Variants in PAPPA observed in about 807,000 individuals in gnomAD.
The protein encoded by PAPPA is pappalysin-1.
In PAPPA, 60 loss-of-function variants were observed where a neutral mutation model predicts 164.0. That is an observed-to-expected ratio of 0.37 (90% CI 0.30 to 0.45). The LOEUF is 0.45. Ranked by LOEUF, PAPPA falls within the 20% of genes least tolerant of loss-of-function variation. The pLI is 1.00. For synonymous variants in PAPPA, 875 were observed against 814.1 expected, an observed-to-expected ratio of 1.07 and a Z score of -1.27; for missense variants, 1,782 against 2,087.3, an observed-to-expected ratio of 0.85 and a Z score of 2.85.
At chr9:116,192,357 G>C (rs909896338) in intron 2 of PAPPA, among the ~76,000 whole-genome samples, 4 of 152,270 alleles carry the variant, frequency 2.6e-5, no homozygotes, top group African/African-American at 9.6e-5. Context: ...GGAGTTTAAG[G>C]GGTTATTATG....
intron 1 of PAPPA, among the ~76,000 whole-genome samples, chr9:116,179,942 G>A (rs901168059): frequency 6.6e-6 from 1 of 152,106 alleles, no homozygotes; most frequent in Non-Finnish European, 1.5e-5. Context: ...AAACCAGATT[G>A]TTGACCTAAA....
chr9:116,368,753 A>T (rs1028643298), intron 19 of PAPPA, among the ~76,000 whole-genome samples: 1 of 152,142 alleles, frequency 6.6e-6, no homozygotes, highest in East Asian at 1.9e-4. Flanking sequence ...CAACCAGCCT[A>T]CTGCCTGGGG....
In PAPPA at chr9:116,400,831, T is replaced by G. The variant is rs1305359631; in HGVS notation, c.*4215T>G. On this transcript the variant is annotated 3_prime_UTR_variant, in exon 22 of 22. Coordinates refer to ENST00000328252, the MANE Select transcript of PAPPA (RefSeq NM_002581.5). The stretch of plus-strand genomic sequence containing the variant: ...TGTCCCTGTTGTACAGAAGTTAGAA[T>G]TTTTGACTCCAGGCAGCAGTTTGCT... The G allele has an allele frequency of 6.6e-6, 1 of 152,592 alleles. No individual in the cohort carries two copies. Among genetic ancestry groups the G allele is most frequent in the African/African-American group, 2.4e-5 (1 of 41,448 alleles). The allele number at this position is 152,592 out of a possible 1,614,324, so 9.5% of individuals were successfully genotyped here.
chr9:116,155,867 C>T (rs374802493), intron 1 of PAPPA, among the ~76,000 whole-genome samples: 1 of 152,054 alleles, frequency 6.6e-6, no homozygotes, highest in Admixed American at 6.5e-5. Context: ...TTCCCCCCAA[C>T]AACCCACAAC....
In PAPPA at chr9:116,358,804, T is replaced by C. The variant is rs557092436; in HGVS notation, c.4348-3788T>C. On this transcript the variant is annotated intron_variant, in intron 17 of 21. Coordinates refer to ENST00000328252, the MANE Select transcript of PAPPA (RefSeq NM_002581.5). ...GACATGGTTCTGACATTGGCAACCT[T>C]TGTGACTTGGGCACATTGCCTCCCC... Among the ~76,000 whole-genome samples, 9 of 152,354 alleles carry C rather than the reference T, an allele frequency of 5.9e-5. No homozygotes were observed. The South Asian group carries it at 1.9e-3, about 32-fold the overall frequency.
chr9:116,370,499 T>C (rs1458777345), intron 19 of PAPPA, among the ~76,000 whole-genome samples: 1 of 148,924 alleles, frequency 6.7e-6, no homozygotes, highest in Non-Finnish European at 1.5e-5. Flanking sequence ...TGCTGGCAAA[T>C]AGTTAACAAC....
At chr9:116,186,858 A>G (rs2118626344) in intron 1 of PAPPA, among the ~76,000 whole-genome samples, 1 of 152,292 alleles carries the variant, frequency 6.6e-6, no homozygotes, top group South Asian at 2.1e-4. Flanking sequence ...TTCTTCAAAC[A>G]AAAATCTTTC....
intron 9 of PAPPA, among the ~76,000 whole-genome samples, chr9:116,294,503 C>A (rs2118873947): frequency 6.6e-6 from 1 of 152,258 alleles, no homozygotes; most frequent in Non-Finnish European, 1.5e-5. Flanking sequence ...TGACACGAAG[C>A]CTTTGAAAGA....
At chr9:116,212,217 T>G (rs1165454770) in intron 4 of PAPPA, among the ~76,000 whole-genome samples, 1 of 152,178 alleles carries the variant, frequency 6.6e-6, no homozygotes, top group Non-Finnish European at 1.5e-5. Flanking sequence ...ATGTGTCCCT[T>G]AGATAAGCAT....
At chr9:116,291,412 C>T (rs1845434183) in intron 9 of PAPPA, among the ~76,000 whole-genome samples, 1 of 152,130 alleles carries the variant, frequency 6.6e-6, no homozygotes, top group East Asian at 1.9e-4. Flanking sequence ...GATTTATGCT[C>T]TGACCTCTTT....
intron 19 of PAPPA, among the ~76,000 whole-genome samples, chr9:116,370,599 C>T (rs1007838987): frequency 6.6e-6 from 1 of 152,158 alleles, no homozygotes; most frequent in Non-Finnish European, 1.5e-5. Flanking sequence ...TCAAGGTTTC[C>T]AGGTTGCTGT....
chr9:116,368,187 C>A (rs1846527007), intron 19 of PAPPA, among the ~76,000 whole-genome samples: 1 of 152,146 alleles, frequency 6.6e-6, no homozygotes, highest in Non-Finnish European at 1.5e-5. Context: ...CTTTACATAG[C>A]CTAGGTTTCT....
At chr9:116,288,225 C>T (rs1281847533) in intron 9 of PAPPA, among the ~76,000 whole-genome samples, 4 of 152,104 alleles carry the variant, frequency 2.6e-5, no homozygotes, top group Middle Eastern at 3.4e-3. Flanking sequence ...AAAAATTAGC[C>T]GAGTGTAGTG....
intron 7 of PAPPA, among the ~76,000 whole-genome samples, chr9:116,261,171 G>C (rs1844996739): frequency 6.6e-6 from 1 of 152,206 alleles, no homozygotes; most frequent in South Asian, 2.1e-4. Flanking sequence ...GATACGTAGT[G>C]CGTAGCATAT....
chr9:116,384,527 T>TGGC (rs1846779559), intron 21 of PAPPA, among the ~76,000 whole-genome samples: 1 of 152,188 alleles, frequency 6.6e-6, no homozygotes, highest in African/African-American at 2.4e-5. Flanking sequence ...GTTTATTATA[T>TGGC]GGCTGTGATG....
chr9:116,175,004 A>G (rs1843816221), intron 1 of PAPPA, among the ~76,000 whole-genome samples: 1 of 152,180 alleles, frequency 6.6e-6, no homozygotes, highest in Non-Finnish European at 1.5e-5. Flanking sequence ...CTTCTTTCAC[A>G]AATAAGAAAA....
intron 7 of PAPPA, among the ~76,000 whole-genome samples, chr9:116,258,867 C>T (rs559472024): frequency 6.8e-4 from 104 of 152,324 alleles, no homozygotes; most frequent in African/African-American, 2.4e-3. Flanking sequence ...GACATGGTGG[C>T]TTACGCCTGT....
At chr9:116,353,875 A>G in intron 17 of PAPPA, 82 bp downstream of exon 17, 1 of 946,550 alleles carries the variant, frequency 1.1e-6, no homozygotes, top group African/African-American at 1.7e-5. Flanking sequence ...TTCAGGAACC[A>G]CTTTCTGCAC....
chr9:116,257,219 A>G (rs1844938327), intron 7 of PAPPA, among the ~76,000 whole-genome samples: 1 of 152,034 alleles, frequency 6.6e-6, no homozygotes, highest in African/African-American at 2.4e-5. Flanking sequence ...TGTGAATTAA[A>G]TAATTTTTAA....
Sources: allele counts gnomAD v4.1 joint callset (sites outside exome capture counted in the v4.1 genomes callset), GRCh38; gene constraint gnomAD v4.1.1; transcripts MANE v1.5; gene names NCBI Gene and HGNC (gene_info 2026-07-23, HGNC 2026-07-21).